The following KIF1B variants were observed in gnomAD, a reference collection of about 807,000 sequenced individuals.
KIF1B encodes the protein kinesin-like protein KIF1B.
Under a neutral mutation model 241.9 loss-of-function variants are expected in KIF1B, and 76 were observed. That is an observed-to-expected ratio of 0.31 (90% CI 0.26 to 0.38). The LOEUF (loss-of-function observed/expected upper bound fraction) is 0.38. Ranked by LOEUF, KIF1B falls within the 10% of genes least tolerant of loss-of-function variation. The pLI is 1.00. For missense variants in KIF1B, 1,622 were observed against 2,271.4 expected, an observed-to-expected ratio of 0.71 and a Z score of 5.81; for synonymous variants, 750 against 796.7, an observed-to-expected ratio of 0.94 and a Z score of 0.99.
At chr1:10,306,416 CTATT>C (rs1322147482) in intron 22 of KIF1B, 3 of 1,012,824 alleles carry the variant, frequency 3.0e-6, no homozygotes, top group East Asian at 1.1e-4. Context: ...AATGTGCTAA[CTATT>C]CCTTTCTATA....
chr1:10,287,724 A>G (rs1458775753), intron 15 of KIF1B, among the ~76,000 whole-genome samples: 1 of 152,236 alleles, frequency 6.6e-6, no homozygotes, highest in African/African-American at 2.4e-5. Flanking sequence ...CAAAATGGTA[A>G]GAGGATTCCT....
intron 23 of KIF1B, 97 bp from the exon 24 acceptor site, chr1:10,321,612 A>G (rs1371394700): frequency 7.5e-7 from 1 of 1,336,494 alleles, no homozygotes; most frequent in Non-Finnish European, 1.1e-6. Flanking sequence ...GAAACTGGAA[A>G]ACACCTCACC....
intron 41 of KIF1B, 121 bp downstream of exon 41, chr1:10,363,465 G>T (rs532113096): frequency 1.2e-6 from 1 of 808,674 alleles, no homozygotes; most frequent in Non-Finnish European, 2.1e-6. Context: ...GCCAAGGCGG[G>T]TGGATCACCT....
intron 5 of KIF1B, among the ~76,000 whole-genome samples, chr1:10,263,955 C>T (rs920545407): frequency 3.3e-5 from 5 of 152,160 alleles, no homozygotes; most frequent in African/African-American, 1.2e-4. Context: ...TGCTTCAAGG[C>T]CTCTACATTT....
At chr1:10,273,151 C>G in intron 10 of KIF1B, 120 bp downstream of exon 10, 2 of 703,988 alleles carry the variant, frequency 2.8e-6, no homozygotes, top group South Asian at 4.6e-5. Context: ...CATTTGTTCT[C>G]TGGCTCTGGA....
intron 2 of KIF1B, among the ~76,000 whole-genome samples, chr1:10,252,286 C>A (rs1647495560): frequency 6.6e-6 from 1 of 151,490 alleles, no homozygotes; most frequent in Admixed American, 6.6e-5. Context: ...GTGATCAACC[C>A]CCCTCAGCCT....
chr1:10,238,361 A>G (rs1209425167), intron 2 of KIF1B, among the ~76,000 whole-genome samples: 1 of 147,812 alleles, frequency 6.8e-6, no homozygotes, highest in Non-Finnish European at 1.5e-5. Flanking sequence ...ATCCTGGGCG[A>G]CAAGAGCAAA....
intron 32 of KIF1B, 54 bp downstream of exon 32, chr1:10,339,913 T>G: frequency 6.9e-7 from 1 of 1,445,102 alleles, no homozygotes. Flanking sequence ...ACCTTGGCTT[T>G]CTCAGCCCGG....
At chr1:10,235,277 G>A (rs1647035962) in intron 2 of KIF1B, among the ~76,000 whole-genome samples, 1 of 152,090 alleles carries the variant, frequency 6.6e-6, no homozygotes, top group East Asian at 1.9e-4. Flanking sequence ...TTTGAAACAG[G>A]ATCTCACTCT....
intron 2 of KIF1B, among the ~76,000 whole-genome samples, chr1:10,250,630 G>A (rs1387095057): frequency 6.6e-6 from 1 of 152,180 alleles, no homozygotes; most frequent in Non-Finnish European, 1.5e-5. Flanking sequence ...TCTCAGTCCA[G>A]CCTAGGCAAC....
chr1:10,351,128 G>A (rs1053423745), intron 37 of KIF1B, among the ~76,000 whole-genome samples: 5 of 149,428 alleles, frequency 3.3e-5, no homozygotes, highest in Non-Finnish European at 7.4e-5. Flanking sequence ...CTCTTGTCTG[G>A]GGCAGCAGTG....
At chr1:10,345,612 T>G (rs1236738745) in intron 34 of KIF1B, 1 of 515,392 alleles carries the variant, frequency 1.9e-6, no homozygotes, top group Non-Finnish European at 3.5e-6. Context: ...AGAGACAGTT[T>G]GTTGAGAAAA....
At chr1:10,319,190 C>A (rs147759132) in intron 22 of KIF1B, among the ~76,000 whole-genome samples, 2,875 of 151,758 alleles carry the variant, frequency 0.019, 40 homozygotes, top group Non-Finnish European at 0.028. Context: ...CAACCTCTGC[C>A]TCCCGGGTTC....
intron 12 of KIF1B, among the ~76,000 whole-genome samples, chr1:10,276,736 C>G (rs1649130061): frequency 6.6e-6 from 1 of 151,816 alleles, no homozygotes; most frequent in South Asian, 2.1e-4. Flanking sequence ...TTTTCTTATT[C>G]ATTTCTATAA....
At chr1:10,215,172 A>ATAT (rs1377684765) in intron 1 of KIF1B, among the ~76,000 whole-genome samples, 47 of 45,368 alleles carry the variant, frequency 1.0e-3, no homozygotes, top group African/African-American at 2.0e-3. Flanking sequence ...ATATATATAT[A>ATAT]TTTTTTTTTT....
chr1:10,281,136 A>G (rs1029737034), intron 14 of KIF1B, among the ~76,000 whole-genome samples: 2 of 152,170 alleles, frequency 1.3e-5, no homozygotes, highest in Admixed American at 1.3e-4. Flanking sequence ...CTTTAATTAA[A>G]TAGTAGAGAT....
chr1:10,235,885 C>CATAAATG (rs1647044901), intron 2 of KIF1B, among the ~76,000 whole-genome samples: 1 of 127,630 alleles, frequency 7.8e-6, no homozygotes. Flanking sequence ...AAAAAAAAAG[C>CATAAATG]ATAAATGAGA....
At chr1:10,236,828 C>CT (rs149729102) in intron 2 of KIF1B, among the ~76,000 whole-genome samples, 1 of 148,200 alleles carries the variant, frequency 6.7e-6, no homozygotes, top group African/African-American at 2.5e-5. Flanking sequence ...GTATTATTGG[C>CT]TTGTTTTTTT....
rs758258506 is a variant in KIF1B at position 10,232,468 on chromosome 1, C to G, written c.106+34C>G. ...ATGTTGTTTTCTCTCAGCTGTGTATCTTACTTTCCTTTCTTCTTTCCCTGT... is the reference window on the plus strand; with the variant it reads ...ATGTTGTTTTCTCTCAGCTGTGTATGTTACTTTCCTTTCTTCTTTCCCTGT... On this transcript the variant is annotated intron_variant, in intron 2 of 48. Coordinates refer to ENST00000676179, the MANE Select transcript of KIF1B (RefSeq NM_001365951.3). 4.9e-6 allele frequency: 7 copies of G among 1,423,178 alleles called. No homozygotes were observed. In the East Asian group the frequency reaches 1.6e-4, roughly 32 times the overall value. The allele number at this position is 1,423,178 out of a possible 1,614,324, so 88.2% of individuals were successfully genotyped here. A position where few individuals can be genotyped will look rare whatever the true frequency, so the allele number is the denominator to read the frequency against.
Sources: allele counts gnomAD v4.1 joint callset (sites outside exome capture counted in the v4.1 genomes callset), GRCh38; gene constraint gnomAD v4.1.1; transcripts MANE v1.5; gene names NCBI Gene and HGNC (gene_info 2026-07-23, HGNC 2026-07-21).